Variants in RAB36 observed in about 807,000 individuals in gnomAD.
RAB36 encodes ras-related protein Rab-36.
In RAB36, 33 loss-of-function variants were observed where a neutral mutation model predicts 39.3. The ratio of observed to expected loss-of-function variants is 0.84; its 90% confidence interval spans 0.64 to 1.12. The LOEUF is 1.12. Among genes scored for constraint, RAB36 ranks in the 50% most tolerant of loss-of-function variants. The pLI, the probability that RAB36 is intolerant of heterozygous loss-of-function variation, is 0.00. For synonymous variants in RAB36, 133 were observed against 140.2 expected (o/e 0.95, Z 0.36); for missense variants, 308 against 355.3 (o/e 0.87, Z 1.07).
intron 3 of RAB36, among the ~76,000 whole-genome samples, chr22:23,151,578 CTT>C (rs1362502317): frequency 6.6e-6 from 1 of 152,130 alleles, no homozygotes; most frequent in Non-Finnish European, 1.5e-5. Flanking sequence ...TGCAAAAACT[CTT>C]AAAGTGTTGT....
chr22:23,156,906 C>G (rs1054230901), intron 6 of RAB36, among the ~76,000 whole-genome samples: 2 of 152,196 alleles, frequency 1.3e-5, no homozygotes, highest in East Asian at 3.9e-4. Flanking sequence ...GCCGTCATCC[C>G]TTTCCTCAGT....
Position 23,145,548 on chromosome 22 carries a change from G to A in RAB36, c.-16G>A. ...CGGAGCCCCAGCTTTCACAGCCATC[G>A]CTGGTGAGTCAGCTCGCCCACTCTG... On this transcript the variant is annotated 5_prime_UTR_variant, in exon 1 of 11. Transcript: ENST00000263116. The A allele has an allele frequency of 6.2e-7, 1 of 1,600,314 alleles. No individual in the cohort carries two copies. Among genetic ancestry groups the A allele is most frequent in the Non-Finnish European group, 8.5e-7 (1 of 1,178,772 alleles).
At chr22:23,161,418 G>T in intron 10 of RAB36, 82 bp from the exon 11 acceptor site, 1 of 1,253,360 alleles carries the variant, frequency 8.0e-7, no homozygotes, top group South Asian at 1.3e-5. Flanking sequence ...TCACAGCTCT[G>T]ACTGTCAGGG....
chr22:23,149,080 G>A (rs1350545720), intron 2 of RAB36, among the ~76,000 whole-genome samples: 1 of 152,170 alleles, frequency 6.6e-6, no homozygotes, highest in East Asian at 1.9e-4. Context: ...GGAACTGAGA[G>A]GGCAGATGGG....
intron 5 of RAB36, among the ~76,000 whole-genome samples, chr22:23,154,536 C>G (rs982240135): frequency 6.6e-6 from 1 of 152,176 alleles, no homozygotes; most frequent in Non-Finnish European, 1.5e-5. Flanking sequence ...CTGAGAAGAG[C>G]AAAGGGCCAG....
At chr22:23,145,654 C>A in intron 1 of RAB36, 103 bp downstream of exon 1, 1 of 1,304,746 alleles carries the variant, frequency 7.7e-7, no homozygotes. Flanking sequence ...GCGCCCACTT[C>A]CCGCCCCTAT....
In RAB36 at chr22:23,162,886, T is replaced by A. The variant is rs2071889179; in HGVS notation, c.*1322T>A. ...TTTTCTATTCATTCCCCCTTCAACA[T>A]ATTTTTTGTAGTTTTTTATATAAAT... On this transcript the variant is annotated 3_prime_UTR_variant, in exon 11 of 11. Transcript: ENST00000263116. 1 of 364,000 alleles carries A rather than the reference T, an allele frequency of 2.7e-6. No homozygotes were observed. The highest frequency in any genetic ancestry group is 3.7e-5 in the Admixed American group (1 of 27,238). The allele number at this position is 364,000 out of a possible 1,614,324, so 22.5% of individuals were successfully genotyped here. A position where few individuals can be genotyped will look rare whatever the true frequency, so the allele number is the denominator to read the frequency against.
Position 23,153,122 on chromosome 22 carries a change from A to G in RAB36, c.317A>G (p.Tyr106Cys), listed in dbSNP as rs773287140. The change falls in exon 5 of 11, where the codon TAT becomes TGT. Residue 106 changes from tyrosine (Y) to cysteine (C), a missense_variant. Coordinates refer to ENST00000263116, the MANE Select transcript of RAB36 (RefSeq NM_004914.5). The stretch of plus-strand genomic sequence containing the variant: ...CGCTTTGAGATTGCTGGGATTCCCT[A>G]TAGCCTCCAGATGTAAGTTGCTGGT... The part of the protein sequence containing the change: ...IERFEIAGIP[Y>C]SLQIWDTAGQ... 5.0e-6 allele frequency: 8 copies of G among 1,613,768 alleles called. No homozygotes were observed. Among genetic ancestry groups the G allele is most frequent in the Admixed American group, 1.7e-5 (1 of 60,004 alleles).
In RAB36 at chr22:23,150,092, C is replaced by T. The variant is rs1461590638; in HGVS notation, c.99C>T (p.Leu33=). ...KWYTPEACLQ[L]REHFHGQVSA... is the part of the protein sequence containing the mutation. The stretch of plus-strand genomic sequence containing the variant: ...ACACGCCGGAAGCCTGTTTGCAGCT[C>T]AGGGAGCACTTCCACGGGCAGGTCA... Residue 33 remains leucine, a synonymous_variant, in exon 3 of 11, where the codon CTC becomes CTT. Transcript: ENST00000263116. 1.2e-6 allele frequency: 2 copies of T among 1,612,288 alleles called. No homozygotes were observed. The highest frequency in any genetic ancestry group is 1.7e-5 in the Admixed American group (1 of 59,770).
chr22:23,157,698 G>A (rs899548196), intron 6 of RAB36, among the ~76,000 whole-genome samples: 6 of 152,334 alleles, frequency 3.9e-5, no homozygotes, highest in Admixed American at 2.0e-4. Flanking sequence ...TCCCTTAGCC[G>A]TAAGTGGCAG....
chr22:23,157,954 TG>T, intron 6 of RAB36, 37 bp from the exon 7 acceptor site: 1 of 1,613,824 alleles, frequency 6.2e-7, no homozygotes, highest in South Asian at 1.1e-5. Context: ...TCGCCTCGCC[TG>T]GCACTGATTG....
chr22:23,148,429 G>A (rs2146493510), intron 2 of RAB36, among the ~76,000 whole-genome samples: 1 of 152,328 alleles, frequency 6.6e-6, no homozygotes, highest in Non-Finnish European at 1.5e-5. Flanking sequence ...GAGGATCAGA[G>A]TTAAGGAGGG....
At chr22:23,149,630 T>C (rs1231294187) in intron 2 of RAB36, among the ~76,000 whole-genome samples, 2 of 152,178 alleles carry the variant, frequency 1.3e-5, no homozygotes, top group African/African-American at 4.8e-5. Flanking sequence ...CTCTGTCTCT[T>C]GAGCTGAAGC....
In RAB36 at chr22:23,154,821, C is replaced by T. The variant is rs570531388; in HGVS notation, c.330-1147C>T. The stretch of plus-strand genomic sequence containing the variant: ...CCCAAACTTCTGTGTCATACTGGAT[C>T]ACTTGAAAAAAATTCAGACCATGAC... On this transcript the variant is annotated intron_variant, in intron 5 of 10. Coordinates refer to ENST00000263116, the MANE Select transcript of RAB36 (RefSeq NM_004914.5). Among the ~76,000 whole-genome samples the T allele has an allele frequency of 2.0e-5, 3 of 152,254 alleles. No homozygotes were observed. In the South Asian group the frequency reaches 6.2e-4, roughly 32 times the overall value.
rs1479845669 is a variant in RAB36 at position 23,152,645 on chromosome 22, G to A, written c.227+119G>A. ...AATCATGTGGCTTCCAGGAACTGCT[G>A]TGCCTCAGCCTGCTGGGAGCCGGAT... On this transcript the variant is annotated intron_variant, in intron 4 of 10. Coordinates refer to ENST00000263116, the MANE Select transcript of RAB36 (RefSeq NM_004914.5). 4.0e-6 allele frequency: 4 copies of A among 1,003,272 alleles called. No individual in the cohort carries two copies. In the East Asian group the frequency reaches 1.0e-4, roughly 25 times the overall value. The allele number at this position is 1,003,272 out of a possible 1,614,324, so 62.1% of individuals were successfully genotyped here. A position where few individuals can be genotyped will look rare whatever the true frequency, so the allele number is the denominator to read the frequency against.
At chr22:23,146,103 A>ACCCTGCCT in intron 1 of RAB36, 1 of 824,560 alleles carries the variant, frequency 1.2e-6, no homozygotes, top group Non-Finnish European at 1.5e-6. Flanking sequence ...ACTCCCAGGC[A>ACCCTGCCT]GGGTGGGGCA....
At chr22:23,159,569 A>G (rs2071660521) in intron 9 of RAB36, among the ~76,000 whole-genome samples, 1 of 152,218 alleles carries the variant, frequency 6.6e-6, no homozygotes, top group African/African-American at 2.4e-5. Flanking sequence ...TAACTACCCC[A>G]TAACTACTCA....
chr22:23,153,733 G>A, intron 5 of RAB36: 1 of 756,776 alleles, frequency 1.3e-6, no homozygotes, highest in Non-Finnish European at 1.5e-6. Context: ...GTCTTGCTCT[G>A]TCACCCAGGC....
intron 7 of RAB36, among the ~76,000 whole-genome samples, chr22:23,158,341 G>A (rs565048791): frequency 2.0e-5 from 3 of 152,318 alleles, no homozygotes; most frequent in East Asian, 1.9e-4. Context: ...TTGCAAGTCC[G>A]GATACTTTTT....
Sources: allele counts gnomAD v4.1 joint callset (sites outside exome capture counted in the v4.1 genomes callset), GRCh38; gene constraint gnomAD v4.1.1; transcripts MANE v1.5; gene names NCBI Gene and HGNC (gene_info 2026-07-23, HGNC 2026-07-21).